The following STK33 variants were observed in gnomAD, a reference collection of about 807,000 sequenced individuals.
STK33 encodes the protein serine/threonine-protein kinase 33.
STK33 carries 52 observed loss-of-function variants against 58.0 expected under a neutral mutation model. The ratio of observed to expected loss-of-function variants is 0.90; its 90% CI spans 0.72 to 1.13. The LOEUF (loss-of-function observed/expected upper bound fraction) is 1.13, where lower values mean the gene tolerates loss of function less well. Ranked by LOEUF, STK33 falls within the 50% of genes most tolerant of loss-of-function variation. The probability of loss-of-function intolerance (pLI) is 0.00; values close to 1 mark genes in which losing one functional copy is unlikely to be tolerated. For missense variants in STK33, 630 were observed against 604.2 expected, an observed-to-expected ratio of 1.04 and a Z score of -0.45; for synonymous variants, 215 against 200.1, an observed-to-expected ratio of 1.07 and a Z score of -0.63.
chr11:8,548,001 G>A (rs779364091), intron 1 of STK33, among the ~76,000 whole-genome samples: 3 of 149,632 alleles, frequency 2.0e-5, no homozygotes, highest in Non-Finnish European at 4.4e-5. Context: ...ATCACACACC[G>A]GGGCCTGTTG....
Position 8,556,137 on chromosome 11 carries a change from G to A in STK33, c.-466+37946C>T, listed in dbSNP as rs570623394. ...AGAGTACCTCAGAAATAGGAGTAAA[G>A]TTGAAGTAGAATATTGAGACTAGGG... On this transcript the variant is annotated intron_variant, in intron 1 of 15. Transcript: ENST00000687296. Among the ~76,000 whole-genome samples, 44 of 152,304 alleles carry A rather than the reference G, an allele frequency of 2.9e-4. 3 individuals carry two copies. The East Asian group carries it at 8.3e-3, about 29-fold the overall frequency.
intron 1 of STK33, among the ~76,000 whole-genome samples, chr11:8,506,305 T>G (rs1191986637): frequency 6.6e-6 from 1 of 152,210 alleles, no homozygotes; most frequent in African/African-American, 2.4e-5. Context: ...GAAGGAAACT[T>G]ACCTTCAGAG....
chr11:8,557,248 G>GAAGGGAA (rs145181993), intron 1 of STK33, among the ~76,000 whole-genome samples: 1 of 41,190 alleles, frequency 2.4e-5, no homozygotes, highest in African/African-American at 9.7e-5. Flanking sequence ...GGGACCTTGT[G>GAAGGGAA]GGGAAGGGAA....
the STK33 span, among the ~76,000 whole-genome samples, chr11:8,358,354 C>T: frequency 1.3e-5 from 2 of 152,226 alleles, no homozygotes; most frequent in African/African-American, 4.8e-5. Flanking sequence ...CATAGACTCC[C>T]TTAGCCAACA....
intron 11 of STK33, among the ~76,000 whole-genome samples, chr11:8,442,679 A>G (rs968622422): frequency 3.3e-5 from 5 of 152,238 alleles, no homozygotes; most frequent in Non-Finnish European, 5.9e-5. Flanking sequence ...ACAGGGGGAT[A>G]TGAACAGAAT....
intron 1 of STK33, among the ~76,000 whole-genome samples, chr11:8,514,468 T>C (rs907452916): frequency 2.0e-5 from 3 of 152,194 alleles, no homozygotes; most frequent in Admixed American, 6.5e-5. Context: ...TGCTTGCCAA[T>C]TCCTGAGGAA....
chr11:8,496,761 A>G (rs1951091083), intron 1 of STK33, among the ~76,000 whole-genome samples: 1 of 151,970 alleles, frequency 6.6e-6, no homozygotes, highest in South Asian at 2.1e-4. Context: ...TTTTTAGTAG[A>G]CACAGGATTT....
At chr11:8,559,617 C>T (rs113703885) in intron 1 of STK33, among the ~76,000 whole-genome samples, 294 of 152,230 alleles carry the variant, frequency 1.9e-3, no homozygotes, top group Non-Finnish European at 3.5e-3. Flanking sequence ...TAATTTTATT[C>T]CCAGAATATT....
intron 11 of STK33, among the ~76,000 whole-genome samples, chr11:8,441,942 T>C (rs1217211237): frequency 6.6e-6 from 1 of 152,030 alleles, no homozygotes; most frequent in Non-Finnish European, 1.5e-5. Flanking sequence ...TTGCCTAATG[T>C]TACACAGCTG....
intron 1 of STK33, among the ~76,000 whole-genome samples, chr11:8,500,585 T>A (rs934808046): frequency 5.3e-5 from 8 of 152,330 alleles, no homozygotes; most frequent in Middle Eastern, 3.4e-3. Context: ...CATTTTGTCT[T>A]CATGTATTGG....
rs187345165 is a variant in STK33, at chr11:8,412,496, T to A, written c.1344+999A>T. Among the ~76,000 whole-genome samples the A allele has an allele frequency of 1.2e-4, 19 of 152,354 alleles. No homozygotes were observed. The East Asian group carries it at 2.3e-3, about 19-fold the overall frequency. Reference sequence around the variant, plus strand: ...ATCAAAATCAATGAATAGATCATGTTACCATGTCCCTTTCTGTAAGTTACT... The same window carrying A: ...ATCAAAATCAATGAATAGATCATGTAACCATGTCCCTTTCTGTAAGTTACT... On this transcript the variant is annotated intron_variant, in intron 15 of 15. Coordinates refer to ENST00000687296, the MANE Select transcript of STK33 (RefSeq NM_001352389.2).
At chr11:8,465,572 G>A (rs540530134) in intron 6 of STK33, 2 of 152,254 alleles carry the variant, frequency 1.3e-5, no homozygotes, top group African/African-American at 4.8e-5. Context: ...TGGTTTTGGG[G>A]GAGTCAGTCT....
At chr11:8,346,247 G>A in the STK33 span, among the ~76,000 whole-genome samples, 964 of 152,356 alleles carry the variant, frequency 6.3e-3, 10 homozygotes, top group African/African-American at 0.022. Context: ...GAGCCAGGTC[G>A]TGCCACACAG....
intron 6 of STK33, among the ~76,000 whole-genome samples, chr11:8,469,726 T>C (rs1948591998): frequency 6.6e-6 from 1 of 152,204 alleles, no homozygotes. Context: ...AAAACAGAAA[T>C]CACTCTTTGA....
intron 1 of STK33, among the ~76,000 whole-genome samples, chr11:8,514,686 C>A (rs967497012): frequency 6.6e-6 from 1 of 152,174 alleles, no homozygotes; most frequent in Non-Finnish European, 1.5e-5. Context: ...TGGTTATACC[C>A]ACAGGCGCTA....
intron 1 of STK33, among the ~76,000 whole-genome samples, chr11:8,573,451 G>A (rs1957961989): frequency 6.6e-6 from 1 of 152,192 alleles, no homozygotes; most frequent in African/African-American, 2.4e-5. Context: ...TGATGATATG[G>A]AGAAAACAGA....
chr11:8,487,930 C>A (rs747070929), intron 1 of STK33, among the ~76,000 whole-genome samples: 1 of 152,170 alleles, frequency 6.6e-6, no homozygotes, highest in Admixed American at 6.5e-5. Context: ...CAACAAGCTT[C>A]GTGGCATTTT....
chr11:8,371,875 C>G, the STK33 span, among the ~76,000 whole-genome samples: 2 of 135,360 alleles, frequency 1.5e-5, no homozygotes, highest in South Asian at 2.7e-4. Flanking sequence ...CCCTCCTTCT[C>G]TTTATTTTTC....
rs533762862 is a variant in STK33 at position 8,516,719 on chromosome 11, G to A, written c.-465-36105C>T. On this transcript the variant is annotated intron_variant, in intron 1 of 15. Coordinates refer to ENST00000687296, the MANE Select transcript of STK33 (RefSeq NM_001352389.2). ...CTGGCTTGGCGGGTCTCACACCCAC[G>A]AAGCCTCACTCACTGCTAGCACAGT... is the stretch of plus-strand genomic sequence containing the variant. Among the ~76,000 whole-genome samples the A allele has an allele frequency of 4.6e-5, 7 of 152,336 alleles. No homozygotes were observed. In the South Asian group the frequency reaches 6.2e-4, roughly 14 times the overall value.
Sources: gnomAD v4.1 joint callset for allele counts (sites outside exome capture counted in the v4.1 genomes callset) on GRCh38, gnomAD v4.1.1 for gene constraint, MANE v1.5 for transcripts, NCBI Gene and HGNC (gene_info 2026-07-23, HGNC 2026-07-21) for gene names.